The following SLC9B2 variants were observed in gnomAD, a reference collection of about 807,000 sequenced individuals.
SLC9B2 encodes solute carrier family 9 member B2, also known as sodium/hydrogen exchanger 9B2.
Under a neutral mutation model 52.2 loss-of-function variants are expected in SLC9B2, and 39 were observed. The observed-to-expected ratio is 0.75, with a 90% CI of 0.58 to 0.98. The LOEUF (loss-of-function observed/expected upper bound fraction) is 0.98, where lower values mean the gene tolerates loss of function less well. Among genes scored for constraint, SLC9B2 ranks in the 50% least tolerant of loss-of-function variants. SLC9B2 has a pLI of 0.00. For synonymous variants in SLC9B2, 214 were observed against 227.0 expected (o/e 0.94, Z 0.51); for missense variants, 626 against 637.5 (o/e 0.98, Z 0.19).
At chr4:103,052,715 ATT>A (rs571633889) in intron 4 of SLC9B2, among the ~76,000 whole-genome samples, 22 of 141,340 alleles carry the variant, frequency 1.6e-4, no homozygotes, top group Admixed American at 2.8e-4. Context: ...ATGAGGGGAC[ATT>A]TTTTTTTTTT....
chr4:103,077,318 C>T (rs1218391167), upstream of SLC9B2: 1 of 152,166 alleles, frequency 6.6e-6, no homozygotes, highest in African/African-American at 2.4e-5. Flanking sequence ...TTCAGATCAT[C>T]TGAAATGATT....
At chr4:103,070,529 CG>C (rs1394946596) in intron 1 of SLC9B2, among the ~76,000 whole-genome samples, 1 of 152,198 alleles carries the variant, frequency 6.6e-6, no homozygotes, top group Admixed American at 6.5e-5. Flanking sequence ...CAACCTCCGC[CG>C]CCTGGGTTCA....
rs905822524 is a variant in SLC9B2, at chr4:103,037,806, T to A, written c.1146+5490A>T. 5.9e-5 allele frequency among the ~76,000 whole-genome samples: 9 copies of A among 152,242 alleles called. No homozygotes were observed. The South Asian group carries it at 6.2e-4, about 11-fold the overall frequency. On this transcript the variant is annotated intron_variant, in intron 9 of 11. Transcript: ENST00000394785. The stretch of plus-strand genomic sequence containing the variant: ...GATCCAGTTAACATCCTTCCACATA[T>A]CTTTAAATTTTACTTTTTAATTTAG...
chr4:103,027,252 TCTC>T (rs973158123), intron 11 of SLC9B2, among the ~76,000 whole-genome samples: 1 of 152,184 alleles, frequency 6.6e-6, no homozygotes, highest in African/African-American at 2.4e-5. Context: ...TTACTGGTCA[TCTC>T]CTTTTATCTT....
In SLC9B2 at chr4:103,043,294, A is replaced by T. The variant is rs747353750; in HGVS notation, c.1146+2T>A. On this transcript the variant is annotated splice_donor_variant, in intron 9 of 11. Coordinates refer to ENST00000394785, the MANE Select transcript of SLC9B2 (RefSeq NM_178833.7). LOFTEE classifies it high-confidence loss of function. The stretch of plus-strand genomic sequence containing the variant: ...AGCAGAAAAACTTAAAATGAAATTC[A>T]CCTTTTCGCTGGTCCATCCCATGCC... 9 of 1,595,772 alleles carry T rather than the reference A, an allele frequency of 5.6e-6. No individual in the cohort carries two copies. The highest frequency in any genetic ancestry group is 6.0e-6 in the Non-Finnish European group (7 of 1,175,216).
At position 103,066,490 on chromosome 4, in the gene SLC9B2, C is replaced by T. The variant is rs1253160859; in HGVS notation, c.108G>A (p.Lys36=). ...GTTCATTTGCATCTATACCTTTGAG[C>T]TTCATAACTGTCTCCTCCTGTGTTT... ...HQEAQEETVM[K]LKGIDANEPT... is the part of the protein sequence containing the mutation. Residue 36 remains lysine, a synonymous_variant, in exon 3 of 12, where the codon AAG becomes AAA. Transcript: ENST00000394785. 1 of 1,613,494 alleles carries T rather than the reference C, an allele frequency of 6.2e-7. No individual in the cohort carries two copies. The highest frequency in any genetic ancestry group is 8.5e-7 in the Non-Finnish European group (1 of 1,179,794).
chr4:103,037,577 G>C (rs987110579), intron 9 of SLC9B2, among the ~76,000 whole-genome samples: 1 of 152,136 alleles, frequency 6.6e-6, no homozygotes, highest in Non-Finnish European at 1.5e-5. Context: ...TGAGGGCATT[G>C]GTTGATTTAT....
intron 7 of SLC9B2, 90 bp downstream of exon 7, chr4:103,046,961 A>C: frequency 6.9e-7 from 1 of 1,442,344 alleles, no homozygotes; most frequent in Non-Finnish European, 9.4e-7. Context: ...TGCCTTAATC[A>C]ATTATCAAGC....
chr4:103,055,203 C>T (rs923569788), intron 4 of SLC9B2, among the ~76,000 whole-genome samples: 2 of 131,974 alleles, frequency 1.5e-5, no homozygotes, highest in African/African-American at 5.9e-5. Flanking sequence ...AACACATGGA[C>T]ACAGGAAGGG....
chr4:103,044,068 T>A (rs539451081), intron 8 of SLC9B2, among the ~76,000 whole-genome samples: 2 of 152,320 alleles, frequency 1.3e-5, no homozygotes, highest in South Asian at 4.1e-4. Context: ...TTAAACTTCT[T>A]GATCACTTTA....
In SLC9B2 at chr4:103,048,978, C is replaced by A; in HGVS notation, c.628G>T (p.Gly210Cys). The A allele has an allele frequency of 6.2e-7, 1 of 1,613,904 alleles. No individual in the cohort carries two copies. The highest frequency in any genetic ancestry group is 8.5e-7 in the Non-Finnish European group (1 of 1,179,888). ...LKGVCVRLSM[G>C]PCIVEACTSA... ...GTGCACGCCTCCACAATACAGGGAC[C>A]CATGGACAGTCTTACACAAACGCCC... Residue 210 changes from glycine to cysteine, a missense_variant, in exon 6 of 12, where the codon GGT becomes TGT. Gly to Cys is a radical substitution (Grantham distance 159, BLOSUM62 -3). Coordinates refer to ENST00000394785, the MANE Select transcript of SLC9B2 (RefSeq NM_178833.7).
intron 3 of SLC9B2, 59 bp from the exon 4 acceptor site, chr4:103,058,030 A>G: frequency 7.2e-7 from 1 of 1,387,690 alleles, no homozygotes; most frequent in Non-Finnish European, 9.9e-7. Flanking sequence ...AGGTTTTGAC[A>G]AAATCTAAAA....
chr4:103,046,697 A>ACC (rs1327574205), intron 7 of SLC9B2, among the ~76,000 whole-genome samples: 2 of 149,806 alleles, frequency 1.3e-5, no homozygotes, highest in Non-Finnish European at 3.0e-5. Flanking sequence ...GTCTCCACAC[A>ACC]TCTTTTGTGT....
intron 1 of SLC9B2, 26 bp from the exon 2 acceptor site, chr4:103,067,618 A>G (rs779847913): frequency 1.6e-6 from 2 of 1,246,634 alleles, no homozygotes; most frequent in South Asian, 2.4e-5. Context: ...ATAGATATAG[A>G]GCAGTAATTT....
chr4:103,047,120 C>T lies in SLC9B2; in HGVS notation c.820G>A (p.Ala274Thr), dbSNP rs1744213590. Reference sequence around the variant, plus strand: ...GCCAGAATGTCATCGAAGCTGCCAGCTGCCATGAGCAAGGTTGGGACACCC... The same window carrying T: ...GCCAGAATGTCATCGAAGCTGCCAGTTGCCATGAGCAAGGTTGGGACACCC... ...EKGVPTLLMA[A>T]GSFDDILAIT... The change falls in exon 7 of 12, where the codon GCT (alanine) becomes ACT (threonine). Residue 274 changes from alanine (A) to threonine (T), a missense_variant. Ala to Thr is a moderately conservative substitution (Grantham distance 58, BLOSUM62 0). Transcript: ENST00000394785. 6.2e-7 allele frequency: 1 copy of T among 1,613,946 alleles called. No individual in the cohort carries two copies.
intron 9 of SLC9B2, among the ~76,000 whole-genome samples, chr4:103,033,207 A>G (rs1362197381): frequency 1.3e-5 from 2 of 152,186 alleles, no homozygotes; most frequent in African/African-American, 4.8e-5. Flanking sequence ...GTGACAAACT[A>G]GAAGAAAATA....
rs1453259425 is a variant in SLC9B2 at position 103,022,879 on chromosome 4, G to A, written c.*3491C>T. 1.3e-5 allele frequency among the ~76,000 whole-genome samples: 2 copies of A among 152,208 alleles called. No homozygotes were observed. The highest frequency in any genetic ancestry group is 1.3e-4 in the Admixed American group (2 of 15,282). ...TGATTAGAGTACCCTTATAAGAAGA[G>A]ACACCAGAGAGCTTGCTTGCTCTCT... On this transcript the variant is annotated 3_prime_UTR_variant, in exon 12 of 12. Coordinates refer to ENST00000394785, the MANE Select transcript of SLC9B2 (RefSeq NM_178833.7).
intron 2 of SLC9B2, 139 bp from the exon 3 acceptor site, chr4:103,066,646 T>A: frequency 1.4e-6 from 1 of 730,904 alleles, no homozygotes; most frequent in Non-Finnish European, 2.1e-6. Flanking sequence ...ACTCACAGCT[T>A]TATTACTAGC....
At chr4:103,052,264 T>G (rs1467272941) in intron 4 of SLC9B2, among the ~76,000 whole-genome samples, 2 of 152,234 alleles carry the variant, frequency 1.3e-5, no homozygotes, top group African/African-American at 4.8e-5. Flanking sequence ...CAGTTCACAA[T>G]AGAACTCATG....
Sources: gnomAD v4.1 joint callset for allele counts (sites outside exome capture counted in the v4.1 genomes callset) on GRCh38, gnomAD v4.1.1 for gene constraint, MANE v1.5 for transcripts, NCBI Gene and HGNC (gene_info 2026-07-23, HGNC 2026-07-21) for gene names.